The following PTPN3 variants were observed in gnomAD, a reference collection of about 807,000 sequenced individuals.
PTPN3 encodes protein tyrosine phosphatase non-receptor type 3, also known as tyrosine-protein phosphatase non-receptor type 3.
PTPN3 carries 96 observed loss-of-function variants against 132.7 expected under a neutral mutation model. That is an observed-to-expected ratio of 0.72 (90% CI 0.61 to 0.86). The LOEUF is 0.86. Among genes scored for constraint, PTPN3 ranks in the 40% least tolerant of loss-of-function variants. The pLI is 0.00. For synonymous variants in PTPN3, 398 were observed against 429.0 expected (o/e 0.93, Z 0.89); for missense variants, 1,125 against 1,159.6 (o/e 0.97, Z 0.43).
Position 109,381,937 on chromosome 9 carries a change from G to A in PTPN3, c.2529-150C>T, listed in dbSNP as rs567297842. ...ACACTCACGGCGTGCTCTCAAACAG[G>A]CTGAGACAGCCTGTCCTCACACATC... On this transcript the variant is annotated intron_variant, in intron 24 of 25. Coordinates refer to ENST00000374541, the MANE Select transcript of PTPN3 (RefSeq NM_002829.4). The A allele has an allele frequency of 5.3e-6, 5 of 935,336 alleles. No individual in the cohort carries two copies. In the African/African-American group the frequency reaches 6.6e-5, roughly 12 times the overall value. The allele number at this position is 935,336 out of a possible 1,614,324, so 57.9% of individuals were successfully genotyped here.
intron 5 of PTPN3, chr9:109,449,274 G>A: frequency 1.0e-6 from 1 of 996,956 alleles, no homozygotes; most frequent in Non-Finnish European, 1.2e-6. Flanking sequence ...ACTGTGCCAG[G>A]ATCCATCCAC....
chr9:109,449,075 C>T, intron 5 of PTPN3: 2 of 1,364,772 alleles, frequency 1.5e-6, no homozygotes, highest in East Asian at 5.8e-5. Context: ...CTGGTGGGGG[C>T]AATTTTCTGC....
intron 1 of PTPN3, among the ~76,000 whole-genome samples, chr9:109,468,442 CT>C (rs1396914185): frequency 6.6e-6 from 1 of 152,122 alleles, no homozygotes; most frequent in East Asian, 1.9e-4. Flanking sequence ...TCTCGGCTCA[CT>C]GCAAGCTCCT....
upstream of PTPN3, chr9:109,498,323 C>G (rs1847783726): frequency 6.8e-6 from 1 of 146,272 alleles, no homozygotes; most frequent in African/African-American, 2.5e-5. This position sits in a 1 kb window ranked among gnomAD's most constrained non-coding sequence, Gnocchi z 4.2. Context: ...TGCCCAGTGC[C>G]GCCCGCGGGC....
rs1843490752 is a variant in PTPN3 at position 109,429,126 on chromosome 9, T to C, written c.765-442A>G. 6 of 892,448 alleles carry C rather than the reference T, an allele frequency of 6.7e-6. No individual in the cohort carries two copies. In the South Asian group the frequency reaches 3.1e-4, roughly 46 times the overall value. The allele number at this position is 892,448 out of a possible 1,614,324, so 55.3% of individuals were successfully genotyped here. ...ACTTAACATTTGCAAGATAACAGAA[T>C]TTAGTCACCATTAACTGAACATTTT... On this transcript the variant is annotated intron_variant, in intron 10 of 25. Transcript: ENST00000374541.
At chr9:109,485,862 AC>A (rs1354856707) in intron 1 of PTPN3, among the ~76,000 whole-genome samples, 2 of 152,232 alleles carry the variant, frequency 1.3e-5, no homozygotes, top group African/African-American at 2.4e-5. Flanking sequence ...ATTCACCTGG[AC>A]CTATTTAGTA....
At chr9:109,456,223 C>T (rs975770849) in intron 4 of PTPN3, among the ~76,000 whole-genome samples, 6 of 152,322 alleles carry the variant, frequency 3.9e-5, no homozygotes, top group Middle Eastern at 3.4e-3. Context: ...TTCTCCACTC[C>T]GCCATGCACT....
chr9:109,526,033 A>G, the PTPN3 span, among the ~76,000 whole-genome samples: 1 of 152,232 alleles, frequency 6.6e-6, no homozygotes, highest in African/African-American at 2.4e-5. Flanking sequence ...TGCAAGGTCA[A>G]TATACAAAAT....
chr9:109,504,850 G>A, the PTPN3 span, among the ~76,000 whole-genome samples: 7 of 152,320 alleles, frequency 4.6e-5, no homozygotes, highest in South Asian at 6.2e-4. Context: ...GGAAGATGGC[G>A]TCCTGAACTG....
chr9:109,486,947 G>A (rs1193632611), intron 1 of PTPN3, among the ~76,000 whole-genome samples: 2 of 152,180 alleles, frequency 1.3e-5, no homozygotes, highest in East Asian at 3.9e-4. Context: ...CTTCCGCCAT[G>A]ATTGTAAGTT....
intron 2 of PTPN3, among the ~76,000 whole-genome samples, chr9:109,458,296 C>T (rs749388812): frequency 3.9e-5 from 6 of 152,190 alleles, no homozygotes; most frequent in Non-Finnish European, 7.3e-5. Context: ...CCTCCAGGCA[C>T]ACGAGCTAAA....
intron 19 of PTPN3, among the ~76,000 whole-genome samples, chr9:109,395,851 C>T (rs1840550460): frequency 9.5e-6 from 1 of 105,502 alleles, no homozygotes; most frequent in Non-Finnish European, 1.7e-5. Context: ...TTTTCAAGTT[C>T]CTATTTTTTT....
At chr9:109,502,111 G>A (rs1174531537), upstream of PTPN3, among the ~76,000 whole-genome samples, 4 of 152,224 alleles carry the variant, frequency 2.6e-5, no homozygotes, top group South Asian at 2.1e-4. Flanking sequence ...GACCAGATTC[G>A]TAAAAGAGGA....
chr9:109,442,580 A>G (rs867306081), intron 7 of PTPN3, among the ~76,000 whole-genome samples: 1 of 152,224 alleles, frequency 6.6e-6, no homozygotes, highest in Non-Finnish European at 1.5e-5. Context: ...GAAGCCTGCG[A>G]TAGAATTCTT....
At chr9:109,446,928 A>G (rs1588442447) in intron 6 of PTPN3, among the ~76,000 whole-genome samples, 2 of 138,404 alleles carry the variant, frequency 1.4e-5, no homozygotes. Flanking sequence ...AGTGCCGGCT[A>G]CCATGGACGG....
the PTPN3 span, chr9:109,533,587 G>A: frequency 5.0e-6 from 8 of 1,584,538 alleles, no homozygotes; most frequent in Admixed American, 1.4e-4. Context: ...GGCGAGGAGG[G>A]CCCCTGCGGA....
chr9:109,521,958 T>A, the PTPN3 span, among the ~76,000 whole-genome samples: 19,496 of 145,614 alleles, frequency 0.13, 1,465 homozygotes, highest in Middle Eastern at 0.25. Flanking sequence ...TTAGAGAGGG[T>A]ACCTCTCCTT....
Position 109,482,451 on chromosome 9 carries a change from C to T in PTPN3, c.-18+15768G>A, listed in dbSNP as rs545133633. 3.3e-5 allele frequency among the ~76,000 whole-genome samples: 5 copies of T among 152,028 alleles called. No individual in the cohort carries two copies. In the East Asian group the frequency reaches 5.8e-4, roughly 18 times the overall value. ...AAAGGAATCTGAAAGACAAAAAAAC[C>T]CCACATGTGTTAGTTTTTCTATTCT... On this transcript the variant is annotated intron_variant, in intron 1 of 25. Coordinates refer to ENST00000374541, the MANE Select transcript of PTPN3 (RefSeq NM_002829.4).
chr9:109,438,482 G>C (rs767217563), intron 7 of PTPN3, among the ~76,000 whole-genome samples: 2 of 152,170 alleles, frequency 1.3e-5, no homozygotes, highest in African/African-American at 4.8e-5. Context: ...GACACAGAGG[G>C]AGAAAATTAG....
Sources: gnomAD v4.1 joint callset for allele counts (sites outside exome capture counted in the v4.1 genomes callset) on GRCh38, gnomAD v4.1.1 for gene constraint, Gnocchi (gnomAD v3.1) non-coding constraint, MANE v1.5 for transcripts, NCBI Gene and HGNC (gene_info 2026-07-23, HGNC 2026-07-21) for gene names.